PIK3C2G: variants seen among roughly 807,000 people sequenced by gnomAD.
PIK3C2G encodes the protein phosphatidylinositol-4-phosphate 3-kinase catalytic subunit type 2 gamma.
In PIK3C2G, 168 loss-of-function variants were observed where a neutral mutation model predicts 181.1. The observed-to-expected ratio is 0.93, with a 90% CI of 0.82 to 1.05. PIK3C2G has a LOEUF of 1.05. Ranked by LOEUF, PIK3C2G falls within the 50% of genes least tolerant of loss-of-function variation. The probability of loss-of-function intolerance (pLI) is 0.00; values close to 1 mark genes in which losing one functional copy is unlikely to be tolerated. For synonymous variants in PIK3C2G, 573 were observed against 592.2 expected, an observed-to-expected ratio of 0.97 and a Z score of 0.47; for missense variants, 1,869 against 1,732.8, an observed-to-expected ratio of 1.08 and a Z score of -1.40.
At chr12:18,394,581 A>T (rs1184887293) in intron 15 of PIK3C2G, among the ~76,000 whole-genome samples, 1 of 152,062 alleles carries the variant, frequency 6.6e-6, no homozygotes, top group Non-Finnish European at 1.5e-5. Flanking sequence ...AAAAAGATGT[A>T]TATGAATGAA....
chr12:18,538,256 C>T lies in PIK3C2G; in HGVS notation c.3424C>T (p.Arg1142Cys), dbSNP rs756366407. The T allele has an allele frequency of 5.6e-6, 9 of 1,611,904 alleles. No homozygotes were observed. Among genetic ancestry groups the T allele is most frequent in the South Asian group, 3.3e-5 (3 of 90,926 alleles). ...HFQDFVELCCRAYNIIRKHSQ... is the reference protein window; with the variant it reads ...HFQDFVELCCCAYNIIRKHSQ... ...TCAAGATTTTGTGGAACTTTGCTGT[C>T]GTGCTTATAATATTATCAGAAAGCA... Residue 1142 changes from arginine (R) to cysteine (C), a missense_variant, in exon 25 of 33, where the codon CGT (arginine) becomes TGT (cysteine). By Grantham distance (180) the Arg-to-Cys change is radical. Coordinates refer to ENST00000538779, the MANE Select transcript of PIK3C2G (RefSeq NM_001288772.2).
At chr12:18,594,702 A>G (rs947774658) in intron 30 of PIK3C2G, 133 bp downstream of exon 30, 7 of 469,146 alleles carry the variant, frequency 1.5e-5, no homozygotes, top group African/African-American at 1.0e-4. Flanking sequence ...CTCTTTTCTA[A>G]CCATTTCCAT....
the PIK3C2G span, chr12:18,694,099 G>C: frequency 1.6e-5 from 17 of 1,058,512 alleles, no homozygotes; most frequent in Non-Finnish European, 2.2e-5. Context: ...TGTATCTCTA[G>C]TGAACTACGG....
chr12:18,550,915 A>G (rs990136717), intron 26 of PIK3C2G, among the ~76,000 whole-genome samples: 5 of 152,066 alleles, frequency 3.3e-5, no homozygotes, highest in African/African-American at 1.2e-4. Flanking sequence ...TGAGACTTGA[A>G]AGAAATAAAC....
At chr12:18,348,635 T>C (rs937161469) in intron 11 of PIK3C2G, among the ~76,000 whole-genome samples, 3 of 152,158 alleles carry the variant, frequency 2.0e-5, no homozygotes, top group Non-Finnish European at 2.9e-5. Context: ...AAGGAATCCA[T>C]GGACCAGTCA....
At position 18,562,808 on chromosome 12, in the gene PIK3C2G, T is replaced by G; in HGVS notation, c.3696T>G (p.Thr1232=). The G allele has an allele frequency of 1.2e-6, 2 of 1,608,050 alleles. No homozygotes were observed. Among genetic ancestry groups the G allele is most frequent in the Non-Finnish European group, 1.7e-6 (2 of 1,176,640 alleles). Residue 1232 remains threonine (T), a synonymous_variant, in exon 27 of 33, where the codon ACT becomes ACG. Coordinates refer to ENST00000538779, the MANE Select transcript of PIK3C2G (RefSeq NM_001288772.2). Reference sequence around the variant, plus strand: ...GCCCTGCCAAATCTACTTCACAGACTTTTCCTCAGGAATCCTGTTTGCTGA... The same window carrying G: ...GCCCTGCCAAATCTACTTCACAGACGTTTCCTCAGGAATCCTGTTTGCTGA... ...AISPAKSTSQ[T]FPQESCLLST...
At chr12:18,473,814 G>C (rs534418129) in intron 18 of PIK3C2G, among the ~76,000 whole-genome samples, 1 of 152,108 alleles carries the variant, frequency 6.6e-6, no homozygotes, top group African/African-American at 2.4e-5. Context: ...CTAACTGAAG[G>C]TACAGAACTT....
At chr12:18,270,858 A>G (rs1465427971) in intron 1 of PIK3C2G, among the ~76,000 whole-genome samples, 1 of 152,168 alleles carries the variant, frequency 6.6e-6, no homozygotes, top group Non-Finnish European at 1.5e-5. Context: ...TACGAACTAC[A>G]TCTGAATTGA....
At chr12:18,472,438 T>C (rs1347304557) in intron 18 of PIK3C2G, among the ~76,000 whole-genome samples, 1 of 152,172 alleles carries the variant, frequency 6.6e-6, no homozygotes, top group Non-Finnish European at 1.5e-5. Flanking sequence ...TATTCATTTT[T>C]GTATGTTTAC....
At chr12:18,591,265 C>T (rs2136474199) in intron 29 of PIK3C2G, among the ~76,000 whole-genome samples, 1 of 151,976 alleles carries the variant, frequency 6.6e-6, no homozygotes, top group East Asian at 1.9e-4. Flanking sequence ...GACTAATTTA[C>T]AATGATGCAT....
rs540801204 is a variant in PIK3C2G at position 18,324,118 on chromosome 12, G to C, written c.1209-917G>C. ...GCCTGTAGTCCCAGCTACTCCGGAT[G>C]CTGAGGCAGGAGAATGACGTGAACC... On this transcript the variant is annotated intron_variant, in intron 7 of 32. Coordinates refer to ENST00000538779, the MANE Select transcript of PIK3C2G (RefSeq NM_001288772.2). Among the ~76,000 whole-genome samples the C allele has an allele frequency of 3.3e-5, 5 of 152,088 alleles. 1 individual carries two copies. The highest frequency in any genetic ancestry group is 9.6e-5 in the African/African-American group (4 of 41,490).
At chr12:18,267,871 C>A (rs1295409105) in intron 1 of PIK3C2G, among the ~76,000 whole-genome samples, 1 of 152,176 alleles carries the variant, frequency 6.6e-6, no homozygotes, top group Non-Finnish European at 1.5e-5. Flanking sequence ...CCCGTTCCTA[C>A]ATAAGGCAAA....
the PIK3C2G span, among the ~76,000 whole-genome samples, chr12:18,700,325 C>T: frequency 3.3e-5 from 5 of 151,636 alleles, no homozygotes; most frequent in African/African-American, 1.2e-4. Flanking sequence ...ATTTCACAAC[C>T]TGGCATCTAT....
intron 30 of PIK3C2G, among the ~76,000 whole-genome samples, chr12:18,601,458 G>A (rs1947708822): frequency 6.6e-6 from 1 of 152,040 alleles, no homozygotes. Context: ...GGATACTAGA[G>A]GGTGAGAAAG....
chr12:18,260,585 C>T (rs929783676), upstream of PIK3C2G, among the ~76,000 whole-genome samples: 3 of 151,714 alleles, frequency 2.0e-5, no homozygotes, highest in African/African-American at 7.3e-5. Context: ...CATGAGTAGC[C>T]CTGAAAGTGA....
intron 11 of PIK3C2G, among the ~76,000 whole-genome samples, chr12:18,351,436 T>A (rs1355774230): frequency 6.6e-6 from 1 of 152,172 alleles, no homozygotes; most frequent in Non-Finnish European, 1.5e-5. Flanking sequence ...AGCATTCTGG[T>A]AGAAGAACAA....
At chr12:18,260,763 T>C (rs1225907638), upstream of PIK3C2G, among the ~76,000 whole-genome samples, 1 of 152,114 alleles carries the variant, frequency 6.6e-6, no homozygotes, top group African/African-American at 2.4e-5. Context: ...TTTTATTTCC[T>C]AAAACTTTCT....
intron 31 of PIK3C2G, among the ~76,000 whole-genome samples, chr12:18,628,978 A>G (rs1278549411): frequency 6.6e-6 from 1 of 152,180 alleles, no homozygotes; most frequent in Non-Finnish European, 1.5e-5. Context: ...TAAAACCACT[A>G]TAAATGTAGC....
At chr12:18,685,760 T>G in the PIK3C2G span, 4 of 402,078 alleles carry the variant, frequency 9.9e-6, no homozygotes, top group African/African-American at 4.1e-5. Flanking sequence ...TGATTTCTTC[T>G]TCCTCCAATC....
Sources: gnomAD v4.1 joint callset for allele counts (sites outside exome capture counted in the v4.1 genomes callset) on GRCh38, gnomAD v4.1.1 for gene constraint, MANE v1.5 for transcripts, NCBI Gene and HGNC (gene_info 2026-07-23, HGNC 2026-07-21) for gene names.